The following PRKN variants were observed in gnomAD, a reference collection of about 807,000 sequenced individuals.
PRKN encodes the protein E3 ubiquitin-protein ligase parkin.
Under a neutral mutation model 59.5 loss-of-function variants are expected in PRKN, and 56 were observed. That is an observed-to-expected ratio of 0.94 (90% CI 0.76 to 1.18). The LOEUF (loss-of-function observed/expected upper bound fraction) is 1.18. Ranked by LOEUF, PRKN falls within the 50% of genes most tolerant of loss-of-function variation. The pLI is 0.00. For missense variants in PRKN, 657 were observed against 596.4 expected (o/e 1.10, Z -1.06); for synonymous variants, 250 against 222.1 (o/e 1.13, Z -1.12).
chr6:162,586,918 T>C (rs969035664), intron 1 of PRKN, among the ~76,000 whole-genome samples: 1 of 152,178 alleles, frequency 6.6e-6, no homozygotes, highest in Non-Finnish European at 1.5e-5. Context: ...TGATAGGCAC[T>C]GTGGCAGGTC....
chr6:161,532,225 T>C (rs1414638410), intron 9 of PRKN, among the ~76,000 whole-genome samples: 2 of 151,448 alleles, frequency 1.3e-5, no homozygotes, highest in African/African-American at 4.8e-5. Context: ...ACAAGATGCT[T>C]CTTGCAGAAA....
At chr6:162,426,861 G>A (rs761191449) in intron 2 of PRKN, among the ~76,000 whole-genome samples, 5 of 152,210 alleles carry the variant, frequency 3.3e-5, no homozygotes, top group Non-Finnish European at 7.3e-5. Context: ...CAAAGATGAA[G>A]TAAGTTTTCC....
intron 4 of PRKN, among the ~76,000 whole-genome samples, chr6:162,072,651 G>A (rs1338381772): frequency 3.9e-5 from 6 of 152,104 alleles, no homozygotes; most frequent in South Asian, 2.1e-4. Flanking sequence ...ACAAGTTCCT[G>A]ATTTCAAAGC....
chr6:162,701,869 ACACACACACACACACACC>A (rs1374139744), intron 1 of PRKN, among the ~76,000 whole-genome samples: 18 of 118,982 alleles, frequency 1.5e-4, no homozygotes, highest in South Asian at 1.5e-3. Context: ...ATACATACAC[ACACACACACACACACACC>A]CCCCCGACAA....
intron 7 of PRKN, among the ~76,000 whole-genome samples, chr6:161,673,091 C>T (rs6904356): frequency 0.38 from 58,432 of 151,938 alleles, 13,356 homozygotes; most frequent in East Asian, 0.58. Context: ...GTGCAGAACA[C>T]ACTTCTGGAA....
chr6:162,668,482 A>G (rs190439436), intron 1 of PRKN, among the ~76,000 whole-genome samples: 50 of 152,178 alleles, frequency 3.3e-4, no homozygotes, highest in African/African-American at 1.0e-3. Context: ...GCTAGAAGAG[A>G]ATGCCAGAGA....
chr6:162,362,149 A>C (rs1785173927), intron 2 of PRKN, among the ~76,000 whole-genome samples: 1 of 152,242 alleles, frequency 6.6e-6, no homozygotes, highest in Non-Finnish European at 1.5e-5. Flanking sequence ...ATGGTTCAGT[A>C]GATAAATTAT....
chr6:162,150,557 A>G (rs1782226945), intron 4 of PRKN, among the ~76,000 whole-genome samples: 1 of 152,214 alleles, frequency 6.6e-6, no homozygotes, highest in Non-Finnish European at 1.5e-5. Context: ...GCAGCACAGT[A>G]TGGATTTTGC....
At chr6:162,635,955 G>A (rs981255401) in intron 1 of PRKN, among the ~76,000 whole-genome samples, 70 of 152,134 alleles carry the variant, frequency 4.6e-4, no homozygotes, top group African/African-American at 1.7e-3. Context: ...CATGAGGCAC[G>A]TTTGGAGAAA....
chr6:162,046,951 G>A (rs894224229), intron 5 of PRKN, among the ~76,000 whole-genome samples: 4 of 151,372 alleles, frequency 2.6e-5, no homozygotes, highest in African/African-American at 9.7e-5. Flanking sequence ...TCAAAACTTG[G>A]TTTAGAAATA....
chr6:162,363,655 T>A (rs767291475), intron 2 of PRKN, among the ~76,000 whole-genome samples: 7 of 152,164 alleles, frequency 4.6e-5, no homozygotes, highest in Non-Finnish European at 1.0e-4. Flanking sequence ...AAAAACCTTT[T>A]AAAAAGATTA....
In PRKN at chr6:161,395,886, G is replaced by T. The variant is rs1421714728; in HGVS notation, c.1084-9009C>A. Reference sequence around the variant, plus strand: ...GAATCTGGCCCGCCTGCCAGGAAAGGACTTGTAATGAATTTAAGCTCAGCG... The same window carrying T: ...GAATCTGGCCCGCCTGCCAGGAAAGTACTTGTAATGAATTTAAGCTCAGCG... On this transcript the variant is annotated intron_variant, in intron 9 of 11. Transcript: ENST00000366898. This position sits in a 1 kb window ranked among gnomAD's most constrained non-coding sequence, Gnocchi z 5.0. 6.6e-6 allele frequency among the ~76,000 whole-genome samples: 1 copy of T among 152,200 alleles called. No individual in the cohort carries two copies. Among genetic ancestry groups the T allele is most frequent in the Non-Finnish European group, 1.5e-5 (1 of 68,048 alleles).
chr6:161,612,622 G>A (rs368127663), intron 7 of PRKN, among the ~76,000 whole-genome samples: 4 of 150,250 alleles, frequency 2.7e-5, no homozygotes, highest in Admixed American at 6.7e-5. Flanking sequence ...TCAGGAGGCC[G>A]AGGCAGGAGA....
chr6:162,607,524 G>C (rs573288001), intron 1 of PRKN, among the ~76,000 whole-genome samples: 1 of 151,422 alleles, frequency 6.6e-6, no homozygotes, highest in African/African-American at 2.4e-5. Context: ...TTTCCAAAGA[G>C]AGAGAGAAAT....
chr6:161,365,011 C>T (rs13216830), intron 10 of PRKN, among the ~76,000 whole-genome samples: 7,434 of 151,614 alleles, frequency 0.049, 267 homozygotes, highest in African/African-American at 0.095. Context: ...GATTCTAATG[C>T]GCTGGCATGA....
At chr6:162,599,115 A>G (rs1781600925) in intron 1 of PRKN, among the ~76,000 whole-genome samples, 1 of 152,168 alleles carries the variant, frequency 6.6e-6, no homozygotes, top group African/African-American at 2.4e-5. Context: ...ATGATCAATT[A>G]AACTGTAATC....
intron 1 of PRKN, among the ~76,000 whole-genome samples, chr6:162,548,495 C>CT (rs994221230): frequency 1.3e-5 from 2 of 151,966 alleles, no homozygotes; most frequent in African/African-American, 4.9e-5. Context: ...AACAGGAATT[C>CT]TCCTAATTAA....
intron 6 of PRKN, among the ~76,000 whole-genome samples, chr6:161,966,426 G>A (rs982975939): frequency 6.6e-6 from 1 of 152,174 alleles, no homozygotes; most frequent in African/African-American, 2.4e-5. Context: ...CTGACAGAGG[G>A]TGAGCCCCAA....
chr6:161,684,879 G>T (rs1246499136), intron 7 of PRKN, among the ~76,000 whole-genome samples: 1 of 151,662 alleles, frequency 6.6e-6, no homozygotes, highest in Non-Finnish European at 1.5e-5. Flanking sequence ...TTCAGAACAG[G>T]AGAGGCCATG....
Sources: gnomAD v4.1 joint callset for allele counts (sites outside exome capture counted in the v4.1 genomes callset) on GRCh38, gnomAD v4.1.1 for gene constraint, Gnocchi (gnomAD v3.1) non-coding constraint, MANE v1.5 for transcripts, NCBI Gene and HGNC (gene_info 2026-07-23, HGNC 2026-07-21) for gene names.